MGMT: variants seen among roughly 807,000 people sequenced by gnomAD.
The protein encoded by MGMT is O-6-methylguanine-DNA methyltransferase.
In MGMT, 14 loss-of-function variants were observed where a neutral mutation model predicts 15.9. That is an observed-to-expected ratio of 0.88 (90% CI 0.58 to 1.37). MGMT has a LOEUF of 1.37. MGMT is among the 40% of genes most tolerant of loss of function. The probability of loss-of-function intolerance (pLI) is 0.00; values close to 1 mark genes in which losing one functional copy is unlikely to be tolerated. For synonymous variants in MGMT, 130 were observed against 118.2 expected (o/e 1.10, Z -0.65); for missense variants, 282 against 268.1 (o/e 1.05, Z -0.36).
At chr10:129,517,948 C>T (rs577422941) in intron 1 of MGMT, among the ~76,000 whole-genome samples, 21 of 152,294 alleles carry the variant, frequency 1.4e-4, no homozygotes, top group African/African-American at 3.1e-4. Context: ...TGAGAATATG[C>T]GAATGCTTTA....
intron 1 of MGMT, among the ~76,000 whole-genome samples, chr10:129,494,296 G>A (rs1845498619): frequency 6.6e-6 from 1 of 152,100 alleles, no homozygotes; most frequent in Admixed American, 6.5e-5. Context: ...CAGTCACCTG[G>A]GGAGTGGGTG....
At chr10:129,624,513 T>C (rs1402063793) in intron 2 of MGMT, among the ~76,000 whole-genome samples, 1 of 152,164 alleles carries the variant, frequency 6.6e-6, no homozygotes, top group East Asian at 1.9e-4. Flanking sequence ...GGGGAATAGA[T>C]TGTAATCTCT....
At chr10:129,689,261 C>T (rs1314291450) in intron 2 of MGMT, among the ~76,000 whole-genome samples, 1 of 152,212 alleles carries the variant, frequency 6.6e-6, no homozygotes, top group Non-Finnish European at 1.5e-5. Context: ...CAATATTCAA[C>T]AGTCAGTCAC....
At chr10:129,694,217 G>T (rs992297717) in intron 2 of MGMT, 1 of 152,300 alleles carries the variant, frequency 6.6e-6, no homozygotes, top group Non-Finnish European at 1.5e-5. Context: ...TGAAGGGTTT[G>T]GGGGGTGAAA....
chr10:129,748,320 A>C (rs1848717155), intron 3 of MGMT, among the ~76,000 whole-genome samples: 2 of 152,052 alleles, frequency 1.3e-5, no homozygotes, highest in Admixed American at 1.3e-4. Context: ...AGATTATCCC[A>C]GTTTTGGCCA....
At chr10:129,673,931 T>C (rs1209560467) in intron 2 of MGMT, among the ~76,000 whole-genome samples, 1 of 152,196 alleles carries the variant, frequency 6.6e-6, no homozygotes, top group Non-Finnish European at 1.5e-5. Context: ...AAAGTATTGA[T>C]TTGAAGCAGC....
At chr10:129,525,153 C>T (rs866933452) in intron 1 of MGMT, among the ~76,000 whole-genome samples, 1 of 152,172 alleles carries the variant, frequency 6.6e-6, no homozygotes. Context: ...TGTATGTTAA[C>T]TGCTTGCTGA....
chr10:129,712,240 C>T (rs758030361), intron 3 of MGMT, among the ~76,000 whole-genome samples: 8 of 152,288 alleles, frequency 5.3e-5, no homozygotes, highest in East Asian at 3.9e-4. Context: ...GCTGCCCACG[C>T]GAGACTGTGG....
chr10:129,581,881 T>G (rs953806329), intron 2 of MGMT, among the ~76,000 whole-genome samples: 1 of 152,212 alleles, frequency 6.6e-6, no homozygotes, highest in Admixed American at 6.5e-5. Context: ...TTCAACAGTT[T>G]CTATCCTTAA....
At chr10:129,550,736 G>A (rs546541414) in intron 2 of MGMT, among the ~76,000 whole-genome samples, 15 of 152,262 alleles carry the variant, frequency 9.9e-5, no homozygotes, top group South Asian at 8.3e-4. Context: ...GTGAGCCACC[G>A]TGCCTGGCTT....
Position 129,759,344 on chromosome 10 carries a change from G to T in MGMT, c.414+3G>T, listed in dbSNP as rs142184485. 1.2e-6 allele frequency: 2 copies of T among 1,614,188 alleles called. No individual in the cohort carries two copies. The highest frequency in any genetic ancestry group is 3.3e-5 in the Admixed American group (2 of 60,034). On this transcript the variant is annotated splice_donor_region_variant and intron_variant, in intron 4 of 4. Coordinates refer to ENST00000651593, the MANE Select transcript of MGMT (RefSeq NM_002412.5). ...GAGGAGCAATGAGAGGCAATCCTGT[G>T]AGTTCTCATGGCGCAAGCATGGCTG... is the stretch of plus-strand genomic sequence containing the variant.
At chr10:129,643,259 G>A (rs1200360651) in intron 2 of MGMT, among the ~76,000 whole-genome samples, 1 of 151,222 alleles carries the variant, frequency 6.6e-6, no homozygotes, top group Non-Finnish European at 1.5e-5. Context: ...GGAGATAGCA[G>A]ATTAGAGATC....
At chr10:129,595,542 C>T (rs1383441381) in intron 2 of MGMT, among the ~76,000 whole-genome samples, 3 of 152,026 alleles carry the variant, frequency 2.0e-5, no homozygotes, top group Admixed American at 1.3e-4. Flanking sequence ...TGGTGGTCTT[C>T]GGGGGGGTCT....
At chr10:129,477,234 C>G (rs1845305830) in intron 1 of MGMT, among the ~76,000 whole-genome samples, 2 of 152,216 alleles carry the variant, frequency 1.3e-5, no homozygotes, top group Non-Finnish European at 2.9e-5. Context: ...GCTACTTCAG[C>G]CCCCACGATC....
chr10:129,724,735 A>G (rs1274477195), intron 3 of MGMT, among the ~76,000 whole-genome samples: 1 of 152,204 alleles, frequency 6.6e-6, no homozygotes, highest in Non-Finnish European at 1.5e-5. Context: ...TAAAATGTCA[A>G]TTATATCATC....
At chr10:129,708,899 G>T (rs1395033431) in intron 3 of MGMT, among the ~76,000 whole-genome samples, 1 of 152,188 alleles carries the variant, frequency 6.6e-6, no homozygotes, top group African/African-American at 2.4e-5. Flanking sequence ...TATTCTAATT[G>T]CTGCGGTGCT....
chr10:129,631,319 G>C (rs905809687), intron 2 of MGMT, among the ~76,000 whole-genome samples: 1 of 152,158 alleles, frequency 6.6e-6, no homozygotes, highest in Non-Finnish European at 1.5e-5. Context: ...ATAGTAATTT[G>C]TTGACCGAAT....
chr10:129,666,111 G>A (rs1331806998), intron 2 of MGMT, among the ~76,000 whole-genome samples: 2 of 152,166 alleles, frequency 1.3e-5, no homozygotes, highest in African/African-American at 4.8e-5. Context: ...AGAAAAAACA[G>A]TGGCAAGATG....
intron 2 of MGMT, among the ~76,000 whole-genome samples, chr10:129,697,596 G>A (rs945242795): frequency 3.3e-5 from 5 of 152,236 alleles, no homozygotes; most frequent in South Asian, 2.1e-4. Flanking sequence ...TAGGCACTCA[G>A]TAAATAGCAG....
Sources: allele counts gnomAD v4.1 joint callset (sites outside exome capture counted in the v4.1 genomes callset), GRCh38; gene constraint gnomAD v4.1.1; transcripts MANE v1.5; gene names NCBI Gene and HGNC (gene_info 2026-07-23, HGNC 2026-07-21).